The following PDE4D variants were observed in gnomAD, a reference collection of about 807,000 sequenced individuals.
The protein encoded by PDE4D is 3',5'-cyclic-AMP phosphodiesterase 4D.
Under a neutral mutation model 87.4 loss-of-function variants are expected in PDE4D, and 24 were observed. That is an observed-to-expected ratio of 0.27 (90% CI 0.20 to 0.39). The LOEUF is 0.39. Among genes scored for constraint, PDE4D ranks in the 10% least tolerant of loss-of-function variants. PDE4D has a pLI of 1.00. For synonymous variants in PDE4D, 384 were observed against 383.2 expected, an observed-to-expected ratio of 1.00 and a Z score of -0.02; for missense variants, 714 against 1,041.0, an observed-to-expected ratio of 0.69 and a Z score of 4.32.
chr5:60,470,128 T>C lies in PDE4D; in HGVS notation c.-90+17814A>G, dbSNP rs757327508. The stretch of plus-strand genomic sequence containing the variant: ...TGATAAGAAAGCAAAACAGCCTTAT[T>C]GCTCATATAGGGAAAGTTTGGGCGG... On this transcript the variant is annotated intron_variant, in intron 1 of 16. Transcript: ENST00000502484. 2.0e-5 allele frequency among the ~76,000 whole-genome samples: 3 copies of C among 152,178 alleles called. No individual in the cohort carries two copies. The South Asian group carries it at 6.2e-4, about 32-fold the overall frequency.
At chr5:59,514,160 C>T (rs1172273495) in intron 1 of PDE4D, among the ~76,000 whole-genome samples, 1 of 150,000 alleles carries the variant, frequency 6.7e-6, no homozygotes, top group African/African-American at 2.5e-5. Context: ...GGCTGGAGTG[C>T]AGTGGTGCGA....
chr5:60,334,107 T>G (rs79745357), intron 1 of PDE4D, among the ~76,000 whole-genome samples: 5,503 of 152,292 alleles, frequency 0.036, 135 homozygotes, highest in East Asian at 0.12. Flanking sequence ...ATGTGTTTTT[T>G]CTTTCTCAAT....
At chr5:59,902,300 A>C (rs887812955) in intron 3 of PDE4D, among the ~76,000 whole-genome samples, 8 of 152,160 alleles carry the variant, frequency 5.3e-5, no homozygotes, top group African/African-American at 1.7e-4. Context: ...CTGTAAATCA[A>C]CAGCAATTCT....
Position 59,885,465 on chromosome 5 carries a change from A to G in PDE4D, c.455+7703T>C, listed in dbSNP as rs905485251. Among the ~76,000 whole-genome samples the G allele has an allele frequency of 1.2e-4, 19 of 152,282 alleles. 1 individual carries two copies. Among genetic ancestry groups the G allele is most frequent in the African/African-American group, 4.6e-4 (19 of 41,566 alleles). ...GCCACCCCAACGATAATCTTACTCC[A>G]TTAGTATACTATGTTCTCATAATTT... On this transcript the variant is annotated intron_variant, in intron 1 of 14. Coordinates refer to ENST00000340635, the MANE Select transcript of PDE4D (RefSeq NM_001104631.2).
intron 1 of PDE4D, among the ~76,000 whole-genome samples, chr5:59,392,403 G>A (rs1239392796): frequency 6.6e-6 from 1 of 151,540 alleles, no homozygotes; most frequent in East Asian, 1.9e-4. Context: ...ACTTGGACTG[G>A]CTCTCCTTGC....
intron 3 of PDE4D, among the ~76,000 whole-genome samples, chr5:59,941,458 C>T (rs889340301): frequency 2.0e-5 from 3 of 152,216 alleles, no homozygotes; most frequent in African/African-American, 7.2e-5. Flanking sequence ...AACTAGTCTG[C>T]AATTTAGCCT....
intron 5 of PDE4D, among the ~76,000 whole-genome samples, chr5:59,049,588 A>C (rs1761228548): frequency 6.6e-6 from 1 of 152,194 alleles, no homozygotes; most frequent in African/African-American, 2.4e-5. Flanking sequence ...ATTTTAAAAG[A>C]ATTCACCAAT....
At chr5:60,083,501 A>G (rs1205070955) in intron 2 of PDE4D, among the ~76,000 whole-genome samples, 1 of 152,266 alleles carries the variant, frequency 6.6e-6, no homozygotes, top group Non-Finnish European at 1.5e-5. Context: ...ACTTGGCACA[A>G]TAAATTTGTA....
chr5:60,054,101 T>C (rs1770513610), intron 2 of PDE4D, among the ~76,000 whole-genome samples: 1 of 152,158 alleles, frequency 6.6e-6, no homozygotes, highest in East Asian at 1.9e-4. Context: ...TGTAAATTAG[T>C]TCAACCATTG....
intron 1 of PDE4D, among the ~76,000 whole-genome samples, chr5:60,308,151 C>T (rs1754673465): frequency 6.6e-6 from 1 of 152,106 alleles, no homozygotes; most frequent in African/African-American, 2.4e-5. Context: ...AGAAGAGCAG[C>T]AGTATATAGT....
Position 59,200,227 on chromosome 5 carries a change from A to G in PDE4D, c.648-6691T>C, listed in dbSNP as rs577094411. On this transcript the variant is annotated intron_variant, in intron 2 of 14. Coordinates refer to ENST00000340635, the MANE Select transcript of PDE4D (RefSeq NM_001104631.2). ...TGTATAGATACACGTGTATGTATAC[A>G]TACATATGTGTATGTACAGCTACAC... is the stretch of plus-strand genomic sequence containing the variant. Among the ~76,000 whole-genome samples the G allele has an allele frequency of 3.4e-4, 49 of 145,266 alleles. 1 individual carries two copies. The highest frequency in any genetic ancestry group is 3.5e-3 in the Middle Eastern group (1 of 282).
rs1269870936 is a variant in PDE4D, at chr5:59,306,697, A to G, written c.456-90729T>C. Among the ~76,000 whole-genome samples, 3 of 150,720 alleles carry G rather than the reference A, an allele frequency of 2.0e-5. No homozygotes were observed. The East Asian group carries it at 5.9e-4, about 30-fold the overall frequency. On this transcript the variant is annotated intron_variant, in intron 1 of 14. Coordinates refer to ENST00000340635, the MANE Select transcript of PDE4D (RefSeq NM_001104631.2). Reference sequence around the variant, plus strand: ...AAGGAGAACTGCAAACCACTGCTCAATGAAATAAAAGAGGATACAAACAAA... The same window carrying G: ...AAGGAGAACTGCAAACCACTGCTCAGTGAAATAAAAGAGGATACAAACAAA...
chr5:59,878,635 T>G (rs575967431), intron 1 of PDE4D, among the ~76,000 whole-genome samples: 1 of 152,072 alleles, frequency 6.6e-6, no homozygotes, highest in East Asian at 1.9e-4. Context: ...ATTGTACTTT[T>G]TGGAAATACA....
chr5:59,459,527 C>G (rs1800436434), intron 1 of PDE4D, among the ~76,000 whole-genome samples: 1 of 152,062 alleles, frequency 6.6e-6, no homozygotes, highest in Non-Finnish European at 1.5e-5. Context: ...TTAATATTAC[C>G]CAGGTGAAGC....
At chr5:59,312,003 G>A (rs1772768168) in intron 1 of PDE4D, among the ~76,000 whole-genome samples, 1 of 152,094 alleles carries the variant, frequency 6.6e-6, no homozygotes, top group Non-Finnish European at 1.5e-5. Context: ...GGAGGTGAAA[G>A]AGGGAGAAAC....
chr5:60,479,248 A>ATC (rs1469356675), intron 1 of PDE4D, among the ~76,000 whole-genome samples: 1 of 152,244 alleles, frequency 6.6e-6, no homozygotes, highest in African/African-American at 2.4e-5. Flanking sequence ...AACTGGTAGT[A>ATC]TCTCTAGAAC....
intron 1 of PDE4D, among the ~76,000 whole-genome samples, chr5:59,437,180 AC>A (rs1796911368): frequency 6.6e-6 from 1 of 152,214 alleles, no homozygotes; most frequent in Non-Finnish European, 1.5e-5. Context: ...GTAGGCCCAC[AC>A]AATTCATATT....
chr5:59,989,003 C>G (rs1762732509), intron 2 of PDE4D, among the ~76,000 whole-genome samples: 1 of 150,084 alleles, frequency 6.7e-6, no homozygotes. Context: ...TCTATAAAAT[C>G]AAGGATAAAT....
chr5:60,088,964 G>C (rs1018498094), intron 2 of PDE4D, among the ~76,000 whole-genome samples: 1 of 151,958 alleles, frequency 6.6e-6, no homozygotes, highest in Admixed American at 6.6e-5. Context: ...TGAATGTGAA[G>C]ATATTTAAAA....
Sources: allele counts gnomAD v4.1 joint callset (sites outside exome capture counted in the v4.1 genomes callset), GRCh38; gene constraint gnomAD v4.1.1; transcripts MANE v1.5; gene names NCBI Gene and HGNC (gene_info 2026-07-23, HGNC 2026-07-21).